The following NBAS variants were observed in gnomAD, a reference collection of about 807,000 sequenced individuals.
NBAS encodes the protein NAG/BC035112 fusion.
NBAS carries 219 observed loss-of-function variants against 302.5 expected under a neutral mutation model. That is an observed-to-expected ratio of 0.72 (90% CI 0.65 to 0.81). The LOEUF (loss-of-function observed/expected upper bound fraction) is 0.81, where lower values mean the gene tolerates loss of function less well. Among genes scored for constraint, NBAS ranks in the 30% least tolerant of loss-of-function variants. The probability of loss-of-function intolerance (pLI) is 0.00; values close to 1 mark genes in which losing one functional copy is unlikely to be tolerated. For missense variants in NBAS, 2,932 were observed against 2,841.6 expected (o/e 1.03, Z -0.72); for synonymous variants, 1,118 against 1,021.6 (o/e 1.09, Z -1.80).
At chr2:15,555,856 A>T (rs1664621400) in intron 3 of NBAS, among the ~76,000 whole-genome samples, 1 of 152,210 alleles carries the variant, frequency 6.6e-6, no homozygotes. Flanking sequence ...AATAAAAAAA[A>T]GAATTATCAA....
At chr2:15,025,699 C>A in the NBAS span, among the ~76,000 whole-genome samples, 35 of 152,018 alleles carry the variant, frequency 2.3e-4, no homozygotes, top group African/African-American at 8.4e-4. Flanking sequence ...ATCTGTATTC[C>A]CAGGTATTTT....
chr2:15,039,789 C>A, the NBAS span, among the ~76,000 whole-genome samples: 1 of 152,136 alleles, frequency 6.6e-6, no homozygotes, highest in African/African-American at 2.4e-5. Context: ...CCTCTGAGGG[C>A]CAGAAGAACT....
rs150977894 is a variant in NBAS, at chr2:15,479,850, T to C, written c.1084-1561A>G. Among the ~76,000 whole-genome samples, 131 of 152,278 alleles carry C rather than the reference T, an allele frequency of 8.6e-4. 1 individual carries two copies. In the East Asian group the frequency reaches 0.022, roughly 26 times the overall value. ...TGTTTCCAGAACTCTGTCATACTCA[T>C]CCCTGTATTCCCAGATCCATCACAG... On this transcript the variant is annotated intron_variant, in intron 12 of 51. Coordinates refer to ENST00000281513, the MANE Select transcript of NBAS (RefSeq NM_015909.4).
chr2:15,059,182 A>T, the NBAS span, among the ~76,000 whole-genome samples: 3 of 152,182 alleles, frequency 2.0e-5, no homozygotes, highest in Admixed American at 2.0e-4. Flanking sequence ...TTGTGAGATG[A>T]TTGATACAGA....
At chr2:15,458,393 G>C (rs1041565595) in intron 21 of NBAS, among the ~76,000 whole-genome samples, 1 of 152,182 alleles carries the variant, frequency 6.6e-6, no homozygotes, top group East Asian at 1.9e-4. Flanking sequence ...CGGGGTTTGG[G>C]TGGGGACAAC....
At chr2:15,329,926 T>C (rs555721412) in intron 36 of NBAS, among the ~76,000 whole-genome samples, 1 of 152,350 alleles carries the variant, frequency 6.6e-6, no homozygotes, top group African/African-American at 2.4e-5. Flanking sequence ...AATATGTATT[T>C]TCTGTGTCTC....
At chr2:15,028,965 A>T in the NBAS span, among the ~76,000 whole-genome samples, 1 of 152,186 alleles carries the variant, frequency 6.6e-6, no homozygotes, top group East Asian at 1.9e-4. Context: ...ATTCAGCACT[A>T]AATTCTCAAC....
the NBAS span, among the ~76,000 whole-genome samples, chr2:14,957,794 C>T: frequency 6.6e-6 from 1 of 152,206 alleles, no homozygotes; most frequent in Non-Finnish European, 1.5e-5. Context: ...TCCTTCCCAC[C>T]AGGGGAACCT....
intron 30 of NBAS, among the ~76,000 whole-genome samples, chr2:15,378,174 T>C (rs772562812): frequency 6.6e-6 from 1 of 151,938 alleles, no homozygotes; most frequent in Non-Finnish European, 1.5e-5. Context: ...CTCAGAAAAA[T>C]TGTCAGTTGC....
the NBAS span, among the ~76,000 whole-genome samples, chr2:14,849,690 G>C: frequency 2.1e-5 from 3 of 140,688 alleles, no homozygotes; most frequent in Admixed American, 1.3e-4. Context: ...GAAAGGTCGG[G>C]TTACCCTCAA....
chr2:15,062,376 C>T, the NBAS span, among the ~76,000 whole-genome samples: 3 of 152,314 alleles, frequency 2.0e-5, no homozygotes, highest in East Asian at 5.8e-4. Context: ...GCCTGAGCTG[C>T]CAATTGGGCT....
chr2:15,168,071 A>G (rs1664117867), intron 51 of NBAS, among the ~76,000 whole-genome samples: 1 of 152,144 alleles, frequency 6.6e-6, no homozygotes, highest in Non-Finnish European at 1.5e-5. Flanking sequence ...TTCTAAATAT[A>G]TGTATTATTT....
At chr2:15,192,889 G>A (rs1216963521) in intron 48 of NBAS, among the ~76,000 whole-genome samples, 1 of 152,120 alleles carries the variant, frequency 6.6e-6, no homozygotes, top group African/African-American at 2.4e-5. Context: ...TGTATGTGAT[G>A]CACTGTATGA....
intron 21 of NBAS, among the ~76,000 whole-genome samples, chr2:15,449,785 T>C (rs60200655): frequency 0.013 from 1,934 of 152,276 alleles, 32 homozygotes; most frequent in East Asian, 0.059. Flanking sequence ...GCCAGCATAT[T>C]CCACTCTGTT....
At chr2:15,048,889 G>A in the NBAS span, among the ~76,000 whole-genome samples, 2 of 152,212 alleles carry the variant, frequency 1.3e-5, no homozygotes, top group African/African-American at 4.8e-5. Flanking sequence ...TGGGAGTGAG[G>A]CACTGTGGTC....
chr2:14,821,354 T>C, the NBAS span, among the ~76,000 whole-genome samples: 1 of 152,132 alleles, frequency 6.6e-6, no homozygotes, highest in Non-Finnish European at 1.5e-5. Context: ...CTCATTTGCA[T>C]TTTCCAGAGT....
the NBAS span, among the ~76,000 whole-genome samples, chr2:14,845,149 A>G: frequency 1.8e-4 from 28 of 152,310 alleles, no homozygotes; most frequent in African/African-American, 5.5e-4. Context: ...TCCCAATTGT[A>G]GTGGCCACAG....
chr2:14,850,309 A>G, the NBAS span, among the ~76,000 whole-genome samples: 1 of 115,222 alleles, frequency 8.7e-6, no homozygotes, highest in East Asian at 2.0e-4. Context: ...CTTTAAATCA[A>G]CAAAGATCAA....
the NBAS span, among the ~76,000 whole-genome samples, chr2:14,910,271 G>T: frequency 6.6e-6 from 1 of 152,310 alleles, no homozygotes; most frequent in East Asian, 1.9e-4. Flanking sequence ...GAGGTGCAAA[G>T]AGGACCAGTT....
Sources: gnomAD v4.1 joint callset for allele counts (sites outside exome capture counted in the v4.1 genomes callset) on GRCh38, gnomAD v4.1.1 for gene constraint, MANE v1.5 for transcripts, NCBI Gene and HGNC (gene_info 2026-07-23, HGNC 2026-07-21) for gene names.